ARMC8: variants seen among roughly 807,000 people sequenced by gnomAD.
ARMC8 encodes armadillo repeat-containing protein 8.
A neutral mutation model predicts 99.3 loss-of-function variants in ARMC8; 20 were observed. The observed-to-expected ratio is 0.20, with a 90% CI of 0.14 to 0.29. The LOEUF (loss-of-function observed/expected upper bound fraction) is 0.29, where lower values mean the gene tolerates loss of function less well. ARMC8 is among the 10% of genes least tolerant of loss of function. The probability of loss-of-function intolerance (pLI) is 1.00; values close to 1 mark genes in which losing one functional copy is unlikely to be tolerated. For missense variants in ARMC8, 569 were observed against 809.5 expected (o/e 0.70, Z 3.60); for synonymous variants, 263 against 278.3 (o/e 0.95, Z 0.55).
intron 4 of ARMC8, 29 bp downstream of exon 4, chr3:138,223,560 T>G (rs1162916719): frequency 2.5e-6 from 4 of 1,613,950 alleles, no homozygotes; most frequent in African/African-American, 1.3e-5. Flanking sequence ...TTTGCTCAAT[T>G]AAGGTTAAGA....
intron 10 of ARMC8, among the ~76,000 whole-genome samples, chr3:138,241,568 A>C (rs1340457630): frequency 1.3e-5 from 2 of 152,200 alleles, no homozygotes; most frequent in Admixed American, 1.3e-4. Context: ...TTGACGTACG[A>C]ATAGAGTTTA....
Position 138,297,057 on chromosome 3 carries a change from G to A in ARMC8, c.*1165G>A, listed in dbSNP as rs753065930. 1 of 152,174 alleles carries A rather than the reference G, an allele frequency of 6.6e-6. No homozygotes were observed. Among genetic ancestry groups the A allele is most frequent in the African/African-American group, 2.4e-5 (1 of 41,438 alleles). The allele number at this position is 152,174 out of a possible 1,614,324, so 9.4% of individuals were successfully genotyped here. On this transcript the variant is annotated 3_prime_UTR_variant, in exon 22 of 22. Transcript: ENST00000469044. ...AACAAAGAACAGGATAGTTTAGAAA[G>A]CTTTCTGTTAGCTGTATTCAGCAAA...
intron 2 of ARMC8, among the ~76,000 whole-genome samples, chr3:138,218,276 A>G (rs2045194089): frequency 6.6e-6 from 1 of 152,146 alleles, no homozygotes; most frequent in Non-Finnish European, 1.5e-5. Context: ...TATTATAAGC[A>G]TTCCATTTCA....
intron 11 of ARMC8, 33 bp downstream of exon 11, chr3:138,242,016 G>A (rs947963796): frequency 5.0e-6 from 8 of 1,585,924 alleles, no homozygotes; most frequent in African/African-American, 1.3e-5. Flanking sequence ...CAGCTCAAGG[G>A]AGATTTTTCT....
intron 14 of ARMC8, among the ~76,000 whole-genome samples, chr3:138,264,616 C>T (rs928409868): frequency 3.3e-5 from 5 of 151,354 alleles, no homozygotes; most frequent in African/African-American, 4.8e-5. Flanking sequence ...GGCGGGGTTT[C>T]ACCATATTGG....
intron 19 of ARMC8, among the ~76,000 whole-genome samples, chr3:138,286,240 A>G (rs3856633): frequency 0.75 from 114,024 of 152,108 alleles, 42,939 homozygotes; most frequent in East Asian, 0.86. Context: ...ACTGCGCCCA[A>G]CCTTCAAAGC....
chr3:138,222,084 G>A (rs1467090728), intron 3 of ARMC8, 87 bp downstream of exon 3: 7 of 950,804 alleles, frequency 7.4e-6, no homozygotes, highest in Non-Finnish European at 1.1e-5. Context: ...CATTTTTCCT[G>A]TATTGTCTGT....
intron 1 of ARMC8, among the ~76,000 whole-genome samples, chr3:138,208,246 T>C (rs1040850290): frequency 2.5e-4 from 38 of 152,166 alleles, no homozygotes; most frequent in Admixed American, 7.2e-4. Flanking sequence ...GGCGGGCGGA[T>C]CACGAGGTCA....
At chr3:138,214,578 G>C (rs1450208537) in intron 2 of ARMC8, among the ~76,000 whole-genome samples, 1 of 151,990 alleles carries the variant, frequency 6.6e-6, no homozygotes, top group African/African-American at 2.4e-5. Context: ...TAAGTTAAAG[G>C]GTTAAGTTTT....
chr3:138,189,299 A>C (rs1576550951), intron 1 of ARMC8, among the ~76,000 whole-genome samples: 1 of 152,232 alleles, frequency 6.6e-6, no homozygotes, highest in South Asian at 2.1e-4. Context: ...TTTAATTAAA[A>C]AAAAAGGATT....
At chr3:138,233,919 G>A (rs1290480888) in intron 6 of ARMC8, among the ~76,000 whole-genome samples, 2 of 152,026 alleles carry the variant, frequency 1.3e-5, no homozygotes, top group Non-Finnish European at 2.9e-5. Context: ...GATTGGATAA[G>A]GTTGGACATA....
At chr3:138,248,886 G>C (rs575342540) in intron 12 of ARMC8, among the ~76,000 whole-genome samples, 1 of 152,166 alleles carries the variant, frequency 6.6e-6, no homozygotes, top group Non-Finnish European at 1.5e-5. Context: ...TGTTAAGTAC[G>C]TATTGTAACC....
intron 5 of ARMC8, among the ~76,000 whole-genome samples, chr3:138,226,989 GT>G (rs2045730825): frequency 6.6e-6 from 1 of 152,318 alleles, no homozygotes; most frequent in South Asian, 2.1e-4. Flanking sequence ...AACTAGTACA[GT>G]GTTTCAGTGT....
intron 1 of ARMC8, among the ~76,000 whole-genome samples, chr3:138,208,512 A>G (rs1252891589): frequency 2.0e-5 from 3 of 152,280 alleles, no homozygotes; most frequent in Non-Finnish European, 4.4e-5. Flanking sequence ...TAACTATATT[A>G]TCAGAAAACT....
intron 7 of ARMC8, among the ~76,000 whole-genome samples, chr3:138,236,427 C>T (rs1353692073): frequency 2.0e-5 from 3 of 152,160 alleles, no homozygotes; most frequent in Non-Finnish European, 4.4e-5. Context: ...CCTATCTTTT[C>T]TGCACTAGAC....
At chr3:138,262,286 C>A in intron 12 of ARMC8, 1 of 435,182 alleles carries the variant, frequency 2.3e-6, no homozygotes, top group Non-Finnish European at 4.1e-6. Context: ...TTGTGCATAT[C>A]AGTAAGAATG....
chr3:138,280,694 A>G lies in ARMC8; in HGVS notation c.1726-3737A>G, dbSNP rs2049817041. 2.6e-5 allele frequency among the ~76,000 whole-genome samples: 4 copies of G among 151,634 alleles called. No individual in the cohort carries two copies. In the South Asian group the frequency reaches 6.2e-4, roughly 24 times the overall value. ...TTTTTAGTAGAGACAGGGTTTCACC[A>G]TGTTGGCCAAGCTGGTCTTGAACTC... On this transcript the variant is annotated intron_variant, in intron 18 of 21. Coordinates refer to ENST00000469044, the MANE Select transcript of ARMC8 (RefSeq NM_001363941.2).
chr3:138,255,204 T>G (rs1300343791), intron 12 of ARMC8, among the ~76,000 whole-genome samples: 1 of 147,164 alleles, frequency 6.8e-6, no homozygotes. Context: ...TTTTTTTTTT[T>G]TGTTTTTTTT....
intron 2 of ARMC8, 31 bp from the exon 3 acceptor site, chr3:138,221,895 C>G (rs1195118725): frequency 7.1e-6 from 11 of 1,546,470 alleles, no homozygotes; most frequent in Non-Finnish European, 9.8e-6. Context: ...GCTGTCTCAA[C>G]ATACTTTATT....
Sources: gnomAD v4.1 joint callset for allele counts (sites outside exome capture counted in the v4.1 genomes callset) on GRCh38, gnomAD v4.1.1 for gene constraint, MANE v1.5 for transcripts, NCBI Gene and HGNC (gene_info 2026-07-23, HGNC 2026-07-21) for gene names.